Variants in SIPA1L1 observed in about 807,000 individuals in gnomAD.
The protein encoded by SIPA1L1 is signal induced proliferation associated 1 like 1.
SIPA1L1 carries 26 observed loss-of-function variants against 162.7 expected under a neutral mutation model. The observed-to-expected ratio is 0.16, with a 90% CI of 0.12 to 0.22. The LOEUF is 0.22. SIPA1L1 is among the 10% of genes least tolerant of loss of function. The pLI is 1.00. For synonymous variants in SIPA1L1, 829 were observed against 837.4 expected (o/e 0.99, Z 0.17); for missense variants, 1,874 against 2,241.0 (o/e 0.84, Z 3.31).
At chr14:71,609,613 C>T (rs1203224453) in intron 5 of SIPA1L1, among the ~76,000 whole-genome samples, 1 of 151,990 alleles carries the variant, frequency 6.6e-6, no homozygotes, top group Non-Finnish European at 1.5e-5. Context: ...ATTACAGGTG[C>T]ACACCACCAT....
At chr14:71,467,852 T>TA (rs11394096) in intron 2 of SIPA1L1, among the ~76,000 whole-genome samples, 65,079 of 135,640 alleles carry the variant, frequency 0.48, 15,769 homozygotes, top group East Asian at 0.74. Flanking sequence ...CCCCATCTCT[T>TA]AAAAAAAAAA....
At chr14:71,641,059 C>T (rs938253243) in intron 7 of SIPA1L1, among the ~76,000 whole-genome samples, 9 of 151,774 alleles carry the variant, frequency 5.9e-5, no homozygotes, top group South Asian at 2.1e-4. Flanking sequence ...AACTAAAGAA[C>T]GGAGACAAGA....
intron 7 of SIPA1L1, among the ~76,000 whole-genome samples, chr14:71,648,668 C>G (rs2042373646): frequency 6.6e-6 from 1 of 152,206 alleles, no homozygotes. Context: ...CATGAATATT[C>G]ACACAAAGAT....
intron 2 of SIPA1L1, among the ~76,000 whole-genome samples, chr14:71,498,671 T>C (rs1357778891): frequency 1.3e-5 from 2 of 152,234 alleles, no homozygotes; most frequent in Non-Finnish European, 2.9e-5. Context: ...CAGAATTATA[T>C]GGATGCTGTT....
chr14:71,468,406 C>G (rs1176973266), intron 2 of SIPA1L1, among the ~76,000 whole-genome samples: 1 of 152,056 alleles, frequency 6.6e-6, no homozygotes, highest in East Asian at 1.9e-4. Context: ...GGGGAGGCCT[C>G]AGGAAGCTTA....
At chr14:71,606,705 A>G (rs7154841) in intron 5 of SIPA1L1, among the ~76,000 whole-genome samples, 127,455 of 151,956 alleles carry the variant, frequency 0.84, 54,051 homozygotes, top group East Asian at 0.96. Context: ...ACCCTGCACT[A>G]GGGAGTCTCT....
At chr14:71,536,334 A>G (rs927149050) in intron 4 of SIPA1L1, among the ~76,000 whole-genome samples, 9 of 152,162 alleles carry the variant, frequency 5.9e-5, no homozygotes, top group African/African-American at 1.9e-4. Flanking sequence ...TTAAGTGTCT[A>G]TGCTTAACAG....
intron 4 of SIPA1L1, among the ~76,000 whole-genome samples, chr14:71,537,709 T>TC (rs59815723): frequency 6.6e-6 from 1 of 152,100 alleles, no homozygotes; most frequent in Non-Finnish European, 1.5e-5. Context: ...TTTTTTTTTT[T>TC]CTCCCTTGAC....
intron 16 of SIPA1L1, among the ~76,000 whole-genome samples, chr14:71,705,903 C>A (rs1470943958): frequency 6.6e-6 from 1 of 152,028 alleles, no homozygotes; most frequent in African/African-American, 2.4e-5. Context: ...CATTCTCCAA[C>A]CCCCCTCTTA....
At chr14:71,573,557 C>G in intron 4 of SIPA1L1, 1 of 456,694 alleles carries the variant, frequency 2.2e-6, no homozygotes, top group South Asian at 1.5e-5. Flanking sequence ...AAGGGCAAAC[C>G]AGCAGAGCTC....
chr14:71,475,216 A>G (rs2047752103), intron 2 of SIPA1L1, among the ~76,000 whole-genome samples: 1 of 152,252 alleles, frequency 6.6e-6, no homozygotes, highest in African/African-American at 2.4e-5. Flanking sequence ...ATGCTATAGC[A>G]TATACTTCAG....
At chr14:71,334,409 T>C (rs2034875125) in intron 2 of SIPA1L1, among the ~76,000 whole-genome samples, 1 of 152,240 alleles carries the variant, frequency 6.6e-6, no homozygotes, top group South Asian at 2.1e-4. Flanking sequence ...GCCTGGTTTC[T>C]TTCCCAGTAG....
At chr14:71,711,566 A>G (rs2082877093) in intron 17 of SIPA1L1, among the ~76,000 whole-genome samples, 2 of 152,184 alleles carry the variant, frequency 1.3e-5, no homozygotes, top group South Asian at 4.1e-4. Context: ...GGTTATAGAG[A>G]TCTTGTCTCA....
chr14:71,722,382 T>G (rs1044376420), intron 17 of SIPA1L1, among the ~76,000 whole-genome samples: 1 of 152,216 alleles, frequency 6.6e-6, no homozygotes, highest in African/African-American at 2.4e-5. Flanking sequence ...TGTACTTTAT[T>G]TAGGTCAGGA....
intron 2 of SIPA1L1, among the ~76,000 whole-genome samples, chr14:71,435,422 G>A (rs1337891235): frequency 1.3e-5 from 2 of 152,036 alleles, no homozygotes; most frequent in African/African-American, 2.4e-5. Flanking sequence ...GAGAACATGC[G>A]GTGTTTGGTT....
intron 2 of SIPA1L1, among the ~76,000 whole-genome samples, chr14:71,405,773 C>T (rs2041989056): frequency 6.6e-6 from 1 of 152,172 alleles, no homozygotes; most frequent in Non-Finnish European, 1.5e-5. Flanking sequence ...TGTCTTTTAT[C>T]TCTGACCCTG....
chr14:71,610,339 G>A (rs1433970137), intron 5 of SIPA1L1, among the ~76,000 whole-genome samples: 3 of 152,154 alleles, frequency 2.0e-5, no homozygotes, highest in Admixed American at 2.0e-4. Context: ...TCCATAAGGT[G>A]GAGCCCTGTA....
intron 2 of SIPA1L1, among the ~76,000 whole-genome samples, chr14:71,385,453 T>C (rs1038379628): frequency 2.0e-5 from 3 of 152,180 alleles, no homozygotes; most frequent in African/African-American, 7.2e-5. Context: ...TCCTCGAGGA[T>C]AGGGACTTGG....
At chr14:71,549,164 G>T (rs939537740) in intron 4 of SIPA1L1, among the ~76,000 whole-genome samples, 1 of 152,112 alleles carries the variant, frequency 6.6e-6, no homozygotes, top group Non-Finnish European at 1.5e-5. Flanking sequence ...GGGTGACCTT[G>T]GTGGCTCCCT....
Sources: allele counts gnomAD v4.1 joint callset (sites outside exome capture counted in the v4.1 genomes callset), GRCh38; gene constraint gnomAD v4.1.1; transcripts MANE v1.5; gene names NCBI Gene and HGNC (gene_info 2026-07-23, HGNC 2026-07-21).